Variants in ATRNL1 observed in about 807,000 individuals in gnomAD.
The protein encoded by ATRNL1 is attractin-like protein 1.
In ATRNL1, 95 loss-of-function variants were observed where a neutral mutation model predicts 182.7. That is an observed-to-expected ratio of 0.52 (90% CI 0.44 to 0.62). The LOEUF (loss-of-function observed/expected upper bound fraction) is 0.62, where lower values mean the gene tolerates loss of function less well. Ranked by LOEUF, ATRNL1 falls within the 20% of genes least tolerant of loss-of-function variation. ATRNL1 has a pLI of 0.00. For missense variants in ATRNL1, 1,471 were observed against 1,679.5 expected (o/e 0.88, Z 2.17); for synonymous variants, 576 against 568.3 (o/e 1.01, Z -0.19).
intron 27 of ATRNL1, among the ~76,000 whole-genome samples, chr10:115,757,824 C>T (rs1948630380): frequency 1.3e-5 from 2 of 152,082 alleles, no homozygotes; most frequent in Admixed American, 6.6e-5. Context: ...GTCCTTTTCA[C>T]ATAGTCCCAT....
chr10:115,360,866 T>C (rs1564952765), intron 19 of ATRNL1, among the ~76,000 whole-genome samples: 1 of 151,916 alleles, frequency 6.6e-6, no homozygotes, highest in Non-Finnish European at 1.5e-5. Context: ...ATGGATAGAA[T>C]GTGCTACAAT....
intron 26 of ATRNL1, among the ~76,000 whole-genome samples, chr10:115,665,456 T>A (rs556518785): frequency 6.6e-6 from 1 of 152,184 alleles, no homozygotes; most frequent in Non-Finnish European, 1.5e-5. Context: ...CCTGCGTAAG[T>A]ATTTATATGC....
chr10:115,852,396 C>G (rs1951077646), intron 28 of ATRNL1, among the ~76,000 whole-genome samples: 1 of 152,004 alleles, frequency 6.6e-6, no homozygotes, highest in African/African-American at 2.4e-5. Context: ...GGATGTCTTT[C>G]TTGTTTATAA....
chr10:115,667,255 G>A (rs1555039948), intron 26 of ATRNL1, among the ~76,000 whole-genome samples: 1 of 152,110 alleles, frequency 6.6e-6, no homozygotes. Flanking sequence ...AAGGCTGACT[G>A]CACTGCACAA....
intron 24 of ATRNL1, among the ~76,000 whole-genome samples, chr10:115,518,626 C>A (rs1592774259): frequency 6.6e-6 from 1 of 151,712 alleles, no homozygotes; most frequent in Non-Finnish European, 1.5e-5. Flanking sequence ...ATATACAGGG[C>A]TAGTAATTGA....
chr10:115,371,427 G>A (rs1857389418), intron 19 of ATRNL1, among the ~76,000 whole-genome samples: 2 of 152,240 alleles, frequency 1.3e-5, no homozygotes, highest in Admixed American at 6.5e-5. Context: ...AGCCACAGGA[G>A]CAGAGCTGCT....
At chr10:115,160,727 C>G (rs2144004774) in intron 6 of ATRNL1, among the ~76,000 whole-genome samples, 1 of 151,994 alleles carries the variant, frequency 6.6e-6, no homozygotes. Flanking sequence ...TAAGGGGAAT[C>G]ATATGGATGG....
intron 17 of ATRNL1, among the ~76,000 whole-genome samples, chr10:115,310,066 T>C (rs1197779147): frequency 2.0e-5 from 3 of 152,140 alleles, no homozygotes; most frequent in African/African-American, 4.8e-5. Flanking sequence ...TATAAAGATA[T>C]GCTGGATTTT....
chr10:115,637,603 C>CCATTATTAT (rs1555028675), intron 26 of ATRNL1, among the ~76,000 whole-genome samples: 2 of 141,828 alleles, frequency 1.4e-5, no homozygotes, highest in Non-Finnish European at 3.0e-5. Flanking sequence ...CAATTTATTA[C>CCATTATTAT]TATTATTATT....
At chr10:115,170,265 C>T (rs1290234064) in intron 7 of ATRNL1, among the ~76,000 whole-genome samples, 1 of 152,064 alleles carries the variant, frequency 6.6e-6, no homozygotes, top group East Asian at 1.9e-4. Context: ...TGTGAGTTTC[C>T]TTAAATATCT....
In ATRNL1 at chr10:115,171,219, T is replaced by G; in HGVS notation, c.1275T>G (p.Asp425Glu). The G allele has an allele frequency of 6.2e-7, 1 of 1,610,440 alleles. No individual in the cohort carries two copies. Among genetic ancestry groups the G allele is most frequent in the South Asian group, 1.1e-5 (1 of 90,720 alleles). The part of the protein sequence containing the change: ...SAHIMELDSR[D>E]VVMIIIFGYS... ...ATATTATGGAGTTGGATAGTAGAGA[T>G]GTTGTCATGATCATAATATTTGGAT... Residue 425 changes from aspartate to glutamate, a missense_variant, in exon 8 of 29, where the codon GAT becomes GAG. Transcript: ENST00000355044.
chr10:115,398,345 A>G (rs2134292918), intron 20 of ATRNL1, among the ~76,000 whole-genome samples: 1 of 152,028 alleles, frequency 6.6e-6, no homozygotes, highest in African/African-American at 2.4e-5. Flanking sequence ...GATCGTCAAA[A>G]ATTGTAACTT....
intron 26 of ATRNL1, among the ~76,000 whole-genome samples, chr10:115,597,387 C>T (rs1389570646): frequency 2.0e-5 from 3 of 151,972 alleles, no homozygotes; most frequent in Admixed American, 2.0e-4. Flanking sequence ...TATGTACCTG[C>T]TTATCTATGT....
chr10:115,422,147 C>T (rs115128838), intron 20 of ATRNL1, among the ~76,000 whole-genome samples: 1 of 152,180 alleles, frequency 6.6e-6, no homozygotes, highest in African/African-American at 2.4e-5. Flanking sequence ...GATTTCATGA[C>T]GAATATGCCA....
intron 21 of ATRNL1, among the ~76,000 whole-genome samples, chr10:115,438,081 T>G (rs1846489093): frequency 1.3e-5 from 2 of 152,018 alleles, no homozygotes; most frequent in Admixed American, 1.3e-4. Flanking sequence ...AGCAAATTAT[T>G]AAGCTGCAGT....
chr10:115,898,364 G>A (rs191833026), intron 28 of ATRNL1, among the ~76,000 whole-genome samples: 2 of 152,318 alleles, frequency 1.3e-5, no homozygotes, highest in East Asian at 1.9e-4. Flanking sequence ...AATCCAGTTT[G>A]CACCATGTGA....
At chr10:115,543,232 T>C (rs574735514) in intron 25 of ATRNL1, among the ~76,000 whole-genome samples, 9 of 152,334 alleles carry the variant, frequency 5.9e-5, no homozygotes, top group African/African-American at 1.9e-4. Flanking sequence ...ATTCTATGCG[T>C]GTATTATTTA....
At chr10:115,397,765 T>C (rs2134290988) in intron 20 of ATRNL1, among the ~76,000 whole-genome samples, 1 of 152,134 alleles carries the variant, frequency 6.6e-6, no homozygotes, top group South Asian at 2.1e-4. Context: ...TTCCGGTCTT[T>C]GCTCAAGAAT....
chr10:115,893,652 A>C (rs1452225611), intron 28 of ATRNL1, among the ~76,000 whole-genome samples: 1 of 152,182 alleles, frequency 6.6e-6, no homozygotes, highest in Admixed American at 6.5e-5. Context: ...ATAGCCCTGG[A>C]TTCAGAAAAC....
Sources: gnomAD v4.1 joint callset for allele counts (sites outside exome capture counted in the v4.1 genomes callset) on GRCh38, gnomAD v4.1.1 for gene constraint, MANE v1.5 for transcripts, NCBI Gene and HGNC (gene_info 2026-07-23, HGNC 2026-07-21) for gene names.